CEP112: variants seen among roughly 807,000 people sequenced by gnomAD.
The protein encoded by CEP112 is centrosomal protein of 112 kDa.
CEP112 carries 127 observed loss-of-function variants against 153.0 expected under a neutral mutation model. That is an observed-to-expected ratio of 0.83 (90% CI 0.72 to 0.96). The LOEUF is 0.96. Among genes scored for constraint, CEP112 ranks in the 40% least tolerant of loss-of-function variants. The pLI is 0.00. For missense variants in CEP112, 1,089 were observed against 1,101.2 expected (o/e 0.99, Z 0.16); for synonymous variants, 358 against 374.4 (o/e 0.96, Z 0.51).
intron 12 of CEP112, among the ~76,000 whole-genome samples, chr17:66,030,245 C>T (rs1012166995): frequency 2.6e-5 from 4 of 152,114 alleles, no homozygotes; most frequent in Admixed American, 2.6e-4. Flanking sequence ...ATACTTTTAG[C>T]CTTTTGTTCA....
chr17:66,092,007 A>G (rs2068150653), intron 8 of CEP112, among the ~76,000 whole-genome samples: 1 of 151,924 alleles, frequency 6.6e-6, no homozygotes, highest in Non-Finnish European at 1.5e-5. Context: ...GAAATCAATA[A>G]TAAGTAAGGT....
intron 4 of CEP112, among the ~76,000 whole-genome samples, chr17:66,160,422 A>G (rs888988012): frequency 2.6e-5 from 4 of 152,238 alleles, no homozygotes; most frequent in African/African-American, 4.8e-5. Flanking sequence ...TGGAGGCATC[A>G]TGCTACCTGA....
intron 18 of CEP112, among the ~76,000 whole-genome samples, chr17:65,934,218 T>G (rs1474276403): frequency 2.0e-5 from 3 of 152,122 alleles, no homozygotes; most frequent in African/African-American, 7.2e-5. Flanking sequence ...GGATACAAAT[T>G]ATAAAAAGCT....
chr17:66,015,671 C>T (rs967785499), intron 16 of CEP112, among the ~76,000 whole-genome samples: 5 of 152,184 alleles, frequency 3.3e-5, no homozygotes, highest in African/African-American at 4.8e-5. Flanking sequence ...TTGCTTTCCC[C>T]TCCCCCTGGG....
chr17:65,819,209 C>T (rs2056413792), intron 21 of CEP112, among the ~76,000 whole-genome samples: 1 of 151,914 alleles, frequency 6.6e-6, no homozygotes, highest in Admixed American at 6.6e-5. Flanking sequence ...GTTGTGTTTT[C>T]ATGAACACTA....
intron 1 of CEP112, among the ~76,000 whole-genome samples, chr17:66,184,348 C>T (rs966711070): frequency 6.6e-6 from 1 of 152,108 alleles, no homozygotes; most frequent in South Asian, 2.1e-4. Context: ...AGATAAGCCA[C>T]AGACCAGAAC....
intron 21 of CEP112, among the ~76,000 whole-genome samples, chr17:65,760,294 A>T (rs931989031): frequency 1.3e-5 from 2 of 152,124 alleles, no homozygotes; most frequent in African/African-American, 4.8e-5. Flanking sequence ...CTTTGATGTT[A>T]AAAAGGAGTG....
intron 9 of CEP112, among the ~76,000 whole-genome samples, chr17:66,068,478 C>T (rs2067199657): frequency 6.6e-6 from 1 of 151,578 alleles, no homozygotes; most frequent in African/African-American, 2.4e-5. Flanking sequence ...CATAAAGAAG[C>T]AAAAAAGAAA....
intron 26 of CEP112, 140 bp downstream of exon 26, chr17:65,636,984 G>A: frequency 1.5e-6 from 1 of 654,080 alleles, no homozygotes; most frequent in Admixed American, 2.7e-5. Flanking sequence ...TTAAAGACAT[G>A]CTACTTACTA....
intron 18 of CEP112, among the ~76,000 whole-genome samples, chr17:65,929,097 G>C (rs938284324): frequency 6.6e-6 from 1 of 152,176 alleles, no homozygotes; most frequent in Non-Finnish European, 1.5e-5. Flanking sequence ...TTTGGGGGAA[G>C]ATGAACATTT....
chr17:66,104,350 A>G (rs997647835), intron 6 of CEP112, among the ~76,000 whole-genome samples: 1 of 152,130 alleles, frequency 6.6e-6, no homozygotes. Context: ...CTAGCTCCCA[A>G]ACATTTCTAA....
At chr17:65,914,865 T>C (rs2060416705) in intron 19 of CEP112, among the ~76,000 whole-genome samples, 1 of 152,190 alleles carries the variant, frequency 6.6e-6, no homozygotes, top group Admixed American at 6.5e-5. Context: ...TCACAACGCA[T>C]TGTCTGTCCA....
At chr17:65,995,817 T>A (rs1433475774) in intron 17 of CEP112, among the ~76,000 whole-genome samples, 3 of 152,180 alleles carry the variant, frequency 2.0e-5, no homozygotes, top group African/African-American at 7.2e-5. Context: ...GGGTACAGAT[T>A]CCCCCATACT....
intron 8 of CEP112, among the ~76,000 whole-genome samples, chr17:66,095,273 G>GAT (rs955729504): frequency 6.6e-5 from 10 of 151,750 alleles, no homozygotes; most frequent in East Asian, 1.9e-4. Context: ...AAAAAAATGT[G>GAT]ATATATATAT....
At chr17:65,821,514 T>TA (rs2056549344) in intron 21 of CEP112, among the ~76,000 whole-genome samples, 25 of 50,180 alleles carry the variant, frequency 5.0e-4, no homozygotes, top group African/African-American at 1.8e-3. Context: ...ATATATATAA[T>TA]TATATATATA....
At chr17:65,792,492 C>T (rs2054647858) in intron 21 of CEP112, among the ~76,000 whole-genome samples, 1 of 151,932 alleles carries the variant, frequency 6.6e-6, no homozygotes, top group African/African-American at 2.4e-5. Flanking sequence ...GAACAAGTTA[C>T]ATACCGATGT....
In CEP112 at chr17:66,040,384, T is replaced by C. The variant is rs142464145; in HGVS notation, c.1219-10361A>G. ...ATTCAAATACATTGCTCTTTTTTAT[T>C]GAATTGTTTTTCTTGATGATTTTTT... On this transcript the variant is annotated intron_variant, in intron 12 of 26. Coordinates refer to ENST00000535342, the MANE Select transcript of CEP112 (RefSeq NM_001199165.4). 9.1e-3 allele frequency among the ~76,000 whole-genome samples: 1,385 copies of C among 152,232 alleles called. 29 individuals are homozygous for C. The highest frequency in any genetic ancestry group is 0.032 in the African/African-American group (1,309 of 41,548).
chr17:65,920,049 A>C (rs2060643634), intron 19 of CEP112, among the ~76,000 whole-genome samples: 1 of 151,918 alleles, frequency 6.6e-6, no homozygotes, highest in East Asian at 2.0e-4. Flanking sequence ...TAGCTACCTC[A>C]CAAGATTTCT....
chr17:66,123,844 T>C (rs930960966), intron 6 of CEP112, among the ~76,000 whole-genome samples: 1 of 152,208 alleles, frequency 6.6e-6, no homozygotes, highest in African/African-American at 2.4e-5. Flanking sequence ...ATTTCCCAAA[T>C]AATTTGTTAC....
Sources: gnomAD v4.1 joint callset for allele counts (sites outside exome capture counted in the v4.1 genomes callset) on GRCh38, gnomAD v4.1.1 for gene constraint, MANE v1.5 for transcripts, NCBI Gene and HGNC (gene_info 2026-07-23, HGNC 2026-07-21) for gene names.